The following VSIG1 variants were observed in gnomAD, a reference collection of about 807,000 sequenced individuals.
VSIG1 encodes the protein V-set and immunoglobulin domain-containing protein 1.
In VSIG1, 11 loss-of-function variants were observed where a neutral mutation model predicts 20.1. The observed-to-expected ratio is 0.55, with a 90% CI of 0.34 to 0.91. The LOEUF is 0.91. Ranked by LOEUF, VSIG1 falls within the 40% of genes least tolerant of loss-of-function variation. VSIG1 has a pLI of 0.02. For missense variants in VSIG1, 283 were observed against 298.8 expected, an observed-to-expected ratio of 0.95 and a Z score of 0.39; for synonymous variants, 126 against 116.7, an observed-to-expected ratio of 1.08 and a Z score of -0.52.
At chrX:108,047,786 C>CTATA (rs1198965317) in intron 1 of VSIG1, among the ~76,000 whole-genome samples, 5 of 60,076 alleles carry the variant, frequency 8.3e-5, no homozygotes, top group African/African-American at 2.9e-4. Flanking sequence ...CTCTCTCTCT[C>CTATA]TCTCTATATA....
the VSIG1 span, among the ~76,000 whole-genome samples, chrX:108,032,347 C>T: frequency 8.9e-6 from 1 of 112,074 alleles, no homozygotes; most frequent in African/African-American, 3.2e-5. Context: ...TCCACCCATC[C>T]ATTTATTCAG....
intron 1 of VSIG1, among the ~76,000 whole-genome samples, chrX:108,048,081 G>A (rs913042642): frequency 1.0e-5 from 1 of 97,936 alleles, no homozygotes; most frequent in Non-Finnish European, 2.0e-5. Flanking sequence ...TCGGCCCACC[G>A]CAACTTCCGC....
intron 2 of VSIG1, among the ~76,000 whole-genome samples, chrX:108,058,486 G>A (rs1254107778): frequency 8.9e-6 from 1 of 111,832 alleles, no homozygotes; most frequent in Non-Finnish European, 1.9e-5. Flanking sequence ...CTTCTCATAG[G>A]TGAAATTAAT....
chrX:108,041,557 T>TGA (rs2030481287), upstream of VSIG1, among the ~76,000 whole-genome samples: 1 of 51,566 alleles, frequency 1.9e-5, no homozygotes, highest in South Asian at 6.7e-4. Context: ...AAACCTCGTG[T>TGA]GTGTGTGTGT....
chrX:108,049,568 G>C (rs2030741643), intron 1 of VSIG1, among the ~76,000 whole-genome samples: 2 of 111,682 alleles, frequency 1.8e-5, no homozygotes, highest in South Asian at 7.5e-4. Flanking sequence ...GGGTTTGTGG[G>C]GTTTTGTTTA....
At chrX:108,054,678 C>A (rs748301568) in intron 1 of VSIG1, among the ~76,000 whole-genome samples, 1 of 110,347 alleles carries the variant, frequency 9.1e-6, no homozygotes, top group East Asian at 2.8e-4. Flanking sequence ...TATCTAAACA[C>A]GTGGAAATTA....
chrX:108,038,964 T>C, the VSIG1 span, among the ~76,000 whole-genome samples: 54,218 of 110,660 alleles, frequency 0.49, 10,263 homozygotes, highest in African/African-American at 0.65. Context: ...ATCTAATGTG[T>C]TTGCTACACT....
chrX:108,047,841 T>TAC (rs1461582989), intron 1 of VSIG1, among the ~76,000 whole-genome samples: 25 of 46,582 alleles, frequency 5.4e-4, no homozygotes, highest in Non-Finnish European at 8.9e-4. Flanking sequence ...CACATATATA[T>TAC]ATACATATAT....
the VSIG1 span, among the ~76,000 whole-genome samples, chrX:108,028,868 A>G: frequency 9.0e-6 from 1 of 111,646 alleles, no homozygotes; most frequent in Non-Finnish European, 1.9e-5. Flanking sequence ...CTGAGGAAGG[A>G]TGGTAGGAAA....
chrX:108,062,526 G>A (rs764443983), intron 2 of VSIG1, among the ~76,000 whole-genome samples: 14 of 112,030 alleles, frequency 1.2e-4, no homozygotes, highest in Middle Eastern at 4.2e-3. Context: ...AGGGACTAGC[G>A]AAAGCTTATT....
At chrX:108,059,365 G>A (rs929600349) in intron 2 of VSIG1, among the ~76,000 whole-genome samples, 2 of 111,290 alleles carry the variant, frequency 1.8e-5, no homozygotes, top group African/African-American at 3.3e-5. Flanking sequence ...TGTTTAGCAG[G>A]AAATGCCGTA....
chrX:108,027,527 T>A, the VSIG1 span, among the ~76,000 whole-genome samples: 1 of 112,015 alleles, frequency 8.9e-6, no homozygotes, highest in African/African-American at 3.2e-5. Flanking sequence ...TTGCTTATGA[T>A]TTTTCTGGAA....
At chrX:108,025,309 G>A in the VSIG1 span, among the ~76,000 whole-genome samples, 1 of 111,922 alleles carries the variant, frequency 8.9e-6, no homozygotes, top group Admixed American at 9.5e-5. Context: ...AGCATTAAGA[G>A]AATAAAGTAT....
chrX:108,048,164 C>T lies in VSIG1; in HGVS notation c.49+2985C>T, dbSNP rs898750312. On this transcript the variant is annotated intron_variant, in intron 1 of 6. Coordinates refer to ENST00000217957, the MANE Select transcript of VSIG1 (RefSeq NM_182607.5). Reference sequence around the variant, plus strand: ...GATTACAGGCATGCACCACCACGCCCGGCTAATTTTGTATTTTTGGTAGAG... The same window carrying T: ...GATTACAGGCATGCACCACCACGCCTGGCTAATTTTGTATTTTTGGTAGAG... 4.0e-4 allele frequency among the ~76,000 whole-genome samples: 42 copies of T among 105,132 alleles called. 2 individuals carry two copies. The highest frequency in any genetic ancestry group is 8.0e-4 in the African/African-American group (23 of 28,752). 91.3% of individuals were successfully genotyped at this position (105,132 alleles called of 115,157 possible).
At chrX:108,047,019 A>T (rs2030595629) in intron 1 of VSIG1, among the ~76,000 whole-genome samples, 1 of 111,150 alleles carries the variant, frequency 9.0e-6, no homozygotes, top group Non-Finnish European at 1.9e-5. Flanking sequence ...GAAGTCAGAG[A>T]AAGGATCACT....
intron 1 of VSIG1, among the ~76,000 whole-genome samples, chrX:108,051,039 C>T (rs938923980): frequency 8.1e-5 from 9 of 111,275 alleles, no homozygotes; most frequent in African/African-American, 2.9e-4. Context: ...CTCAGAGTCC[C>T]TCTGACAACA....
intron 1 of VSIG1, among the ~76,000 whole-genome samples, chrX:108,048,682 A>G (rs1263665914): frequency 8.9e-6 from 1 of 112,622 alleles, no homozygotes; most frequent in Non-Finnish European, 1.9e-5. Context: ...CACTCAGAGA[A>G]TCACCTCCAC....
At chrX:108,043,986 G>A (rs960915984), upstream of VSIG1, among the ~76,000 whole-genome samples, 88 of 111,609 alleles carry the variant, frequency 7.9e-4, no homozygotes, top group African/African-American at 2.8e-3. Context: ...TGATGAAAGA[G>A]TCCATTTATG....
chrX:108,076,989 T>C lies in VSIG1; in HGVS notation c.831-59T>C, dbSNP rs1374821394. ...AAGCTACAGAACATATGGTTTCACA[T>C]GAAATTTCAAAGTTAGCATCTCCCT... is the stretch of plus-strand genomic sequence containing the variant. On this transcript the variant is annotated intron_variant, in intron 6 of 6. Transcript: ENST00000217957. 26 of 1,083,635 alleles carry C rather than the reference T, an allele frequency of 2.4e-5. No homozygotes were observed. In the African/African-American group the frequency reaches 4.5e-4, roughly 19 times the overall value. The allele number at this position is 1,083,635 out of a possible 1,213,427, so 89.3% of individuals were successfully genotyped here.
Sources: allele counts gnomAD v4.1 joint callset (sites outside exome capture counted in the v4.1 genomes callset), GRCh38; gene constraint gnomAD v4.1.1; transcripts MANE v1.5; gene names NCBI Gene and HGNC (gene_info 2026-07-23, HGNC 2026-07-21).